PRKCH: variants seen among roughly 807,000 people sequenced by gnomAD.
The protein encoded by PRKCH is protein kinase C eta, also known as protein kinase C eta type.
PRKCH carries 28 observed loss-of-function variants against 82.5 expected under a neutral mutation model. That is an observed-to-expected ratio of 0.34 (90% CI 0.25 to 0.47). The LOEUF is 0.47. Among genes scored for constraint, PRKCH ranks in the 20% least tolerant of loss-of-function variants. PRKCH has a pLI of 1.00. For missense variants in PRKCH, 705 were observed against 881.8 expected (o/e 0.80, Z 2.54); for synonymous variants, 322 against 327.4 (o/e 0.98, Z 0.18).
At chr14:61,317,180 AGAACGCTAT>A (rs1157220658), upstream of PRKCH, among the ~76,000 whole-genome samples, 1 of 152,198 alleles carries the variant, frequency 6.6e-6, no homozygotes, top group Admixed American at 6.5e-5. Context: ...CTGCAGTCTC[AGAACGCTAT>A]GATCTCTCTC....
intron 2 of PRKCH, among the ~76,000 whole-genome samples, chr14:61,393,556 T>C (rs2046721082): frequency 6.6e-6 from 1 of 152,228 alleles, no homozygotes; most frequent in African/African-American, 2.4e-5. Context: ...GGGAAACAGC[T>C]GAAATCTCAG....
chr14:61,340,508 C>G (rs2045918525), intron 1 of PRKCH, among the ~76,000 whole-genome samples: 1 of 152,176 alleles, frequency 6.6e-6, no homozygotes, highest in Non-Finnish European at 1.5e-5. Flanking sequence ...AAAGCTCTGT[C>G]TCTTGTCTTC....
chr14:61,449,294 T>C, intron 5 of PRKCH, 42 bp downstream of exon 5: 2 of 1,499,962 alleles, frequency 1.3e-6, no homozygotes, highest in Non-Finnish European at 1.9e-6. Context: ...GCGTGTGTAT[T>C]GTGTATGCTG....
intron 1 of PRKCH, among the ~76,000 whole-genome samples, chr14:61,256,319 C>A (rs1275000923): frequency 6.6e-6 from 1 of 152,144 alleles, no homozygotes; most frequent in East Asian, 1.9e-4. Flanking sequence ...CCTGTCGTGA[C>A]CTCCTTTAGC....
intron 1 of PRKCH, among the ~76,000 whole-genome samples, chr14:61,215,033 A>G (rs2044607243): frequency 6.6e-6 from 1 of 152,102 alleles, no homozygotes; most frequent in Non-Finnish European, 1.5e-5. Flanking sequence ...GATTGCATTT[A>G]TCTTATTAAT....
intron 1 of PRKCH, among the ~76,000 whole-genome samples, chr14:61,338,068 G>GT (rs1303630069): frequency 6.6e-6 from 1 of 152,150 alleles, no homozygotes; most frequent in African/African-American, 2.4e-5. Flanking sequence ...GGGCGCTGCT[G>GT]TTGCAAATGT....
upstream of PRKCH, among the ~76,000 whole-genome samples, chr14:61,319,972 C>T (rs2045594820): frequency 6.6e-6 from 1 of 152,172 alleles, no homozygotes. Context: ...CATGTGAAAT[C>T]GTTGAGAACC....
chr14:61,254,308 AAG>A (rs1304891488), intron 1 of PRKCH, among the ~76,000 whole-genome samples: 1 of 152,122 alleles, frequency 6.6e-6, no homozygotes, highest in Non-Finnish European at 1.5e-5. Context: ...AAGACAGAAA[AAG>A]TCGTGATAAA....
intron 2 of PRKCH, among the ~76,000 whole-genome samples, chr14:61,407,540 C>T (rs536021267): frequency 2.0e-5 from 3 of 152,276 alleles, no homozygotes; most frequent in South Asian, 2.1e-4. Flanking sequence ...TCCAGCCCCT[C>T]CTCAGTGAGG....
chr14:61,468,033 A>G (rs994955962), intron 9 of PRKCH, among the ~76,000 whole-genome samples: 1 of 152,238 alleles, frequency 6.6e-6, no homozygotes. Context: ...TTTCCATTAT[A>G]TCACAAATAG....
intron 1 of PRKCH, among the ~76,000 whole-genome samples, chr14:61,376,728 A>G (rs2046432672): frequency 1.3e-5 from 2 of 152,132 alleles, no homozygotes. Flanking sequence ...GTCCTCCAGC[A>G]TGTTGTTTTA....
rs192051923 is a variant in PRKCH, at chr14:61,352,493, T to C, written c.363+30029T>C. ...GCCTGACCAATATGGTGAAACCCTG[T>C]CTCTACTAAAAATACAAAAAATTAG... On this transcript the variant is annotated intron_variant, in intron 1 of 13. Transcript: ENST00000332981. Among the ~76,000 whole-genome samples the C allele has an allele frequency of 5.4e-3, 821 of 151,990 alleles. 7 individuals carry two copies. Among genetic ancestry groups the C allele is most frequent in the African/African-American group, 0.019 (784 of 41,436 alleles).
chr14:61,454,292 G>C (rs956810235), intron 7 of PRKCH, among the ~76,000 whole-genome samples: 2 of 151,870 alleles, frequency 1.3e-5, no homozygotes, highest in African/African-American at 4.8e-5. Flanking sequence ...TTAGTAAGAC[G>C]GAGTTTCTCC....
intron 1 of PRKCH, among the ~76,000 whole-genome samples, chr14:61,194,293 G>A (rs188990470): frequency 9.9e-5 from 15 of 152,274 alleles, no homozygotes; most frequent in African/African-American, 3.1e-4. Context: ...TTGAATATAT[G>A]AATATTTACA....
At chr14:61,188,616 GTGTGT>G (rs1233539247) in intron 1 of PRKCH, among the ~76,000 whole-genome samples, 1,269 of 34,462 alleles carry the variant, frequency 0.037, 222 homozygotes, top group East Asian at 0.11. Flanking sequence ...GGTGTGGTGT[GTGTGT>G]GTGTGTGTGT....
At chr14:61,295,227 A>T (rs538366239) in intron 1 of PRKCH, among the ~76,000 whole-genome samples, 29 of 152,376 alleles carry the variant, frequency 1.9e-4, no homozygotes, top group Admixed American at 3.3e-4. Flanking sequence ...AACAGAGAAC[A>T]TGAAAAAGGA....
At chr14:61,408,999 G>C (rs1027370858) in intron 2 of PRKCH, among the ~76,000 whole-genome samples, 1 of 152,216 alleles carries the variant, frequency 6.6e-6, no homozygotes, top group Non-Finnish European at 1.5e-5. Flanking sequence ...GAAAGTGTGT[G>C]CTGCTTTGTC....
rs183708856 is a variant in PRKCH, at chr14:61,518,326, G to A, written c.1434-10749G>A. ...GAGAGTCGGTGAGAGAAGTTTTCTT[G>A]GCAACCATAAAATAAAAGTACTATC... is the stretch of plus-strand genomic sequence containing the variant. On this transcript the variant is annotated intron_variant, in intron 10 of 13. Transcript: ENST00000332981. Among the ~76,000 whole-genome samples, 153 of 151,980 alleles carry A rather than the reference G, an allele frequency of 1.0e-3. 1 individual carries two copies. The highest frequency in any genetic ancestry group is 5.0e-3 in the Admixed American group (77 of 15,270).
intron 2 of PRKCH, among the ~76,000 whole-genome samples, chr14:61,425,705 T>C (rs763405727): frequency 3.8e-4 from 58 of 152,268 alleles, no homozygotes; most frequent in African/African-American, 1.4e-3. Flanking sequence ...CATGATTGGT[T>C]TTGAAATGTG....
Sources: gnomAD v4.1 joint callset for allele counts (sites outside exome capture counted in the v4.1 genomes callset) on GRCh38, gnomAD v4.1.1 for gene constraint, MANE v1.5 for transcripts, NCBI Gene and HGNC (gene_info 2026-07-23, HGNC 2026-07-21) for gene names.